The following NTAQ1 variants were observed in gnomAD, a reference collection of about 807,000 sequenced individuals.
The protein encoded by NTAQ1 is protein N-terminal glutamine amidohydrolase.
Under a neutral mutation model 28.2 loss-of-function variants are expected in NTAQ1, and 21 were observed. That is an observed-to-expected ratio of 0.74 (90% confidence interval 0.53 to 1.07). The LOEUF is 1.07. NTAQ1 is among the 50% of genes least tolerant of loss of function. The probability of loss-of-function intolerance (pLI) is 0.00; values close to 1 mark genes in which losing one functional copy is unlikely to be tolerated. For missense variants in NTAQ1, 264 were observed against 256.6 expected, an observed-to-expected ratio of 1.03 and a Z score of -0.20; for synonymous variants, 105 against 90.0, an observed-to-expected ratio of 1.17 and a Z score of -0.94.
chr8:123,427,900 GATT>G, intron 1 of NTAQ1, 21 bp from the exon 2 acceptor site: 1 of 1,541,180 alleles, frequency 6.5e-7, no homozygotes, highest in Non-Finnish European at 8.9e-7. Flanking sequence ...CTCTAATCTT[GATT>G]AAACAATTAT....
At chr8:123,441,070 C>T (rs1815038166) in intron 5 of NTAQ1, among the ~76,000 whole-genome samples, 1 of 152,154 alleles carries the variant, frequency 6.6e-6, no homozygotes, top group Non-Finnish European at 1.5e-5. Flanking sequence ...CTTTGGAGCT[C>T]TGACTCTCTG....
Position 123,437,122 on chromosome 8 carries a change from GT to G in NTAQ1, c.384-87del, listed in dbSNP as rs569232424. The G allele has an allele frequency of 1.2e-3, 1,874 of 1,538,968 alleles. 1 individual carries two copies. The highest frequency in any genetic ancestry group is 1.4e-3 in the Non-Finnish European group (1,605 of 1,131,992). Reference sequence around the variant, plus strand: ...GAAATGCATGAGTAGTTTTGTGCATGTCATAGGAAATGAGTCGATATAAAAA... The same window carrying G: ...GAAATGCATGAGTAGTTTTGTGCATGCATAGGAAATGAGTCGATATAAAAA... On this transcript the variant is annotated intron_variant, in intron 4 of 5. Coordinates refer to ENST00000287387, the MANE Select transcript of NTAQ1 (RefSeq NM_018024.3).
At chr8:123,438,162 A>G in intron 5 of NTAQ1, 1 of 702,260 alleles carries the variant, frequency 1.4e-6, no homozygotes, top group Non-Finnish European at 2.6e-6. Flanking sequence ...ATTTCCTGAC[A>G]TTTAAGAAGA....
At chr8:123,450,532 C>T (rs919893821), downstream of NTAQ1, among the ~76,000 whole-genome samples, 1 of 136,064 alleles carries the variant, frequency 7.3e-6, no homozygotes, top group East Asian at 2.3e-4. Flanking sequence ...ATTTCTGCCC[C>T]TCCAAGGAGA....
chr8:123,416,993 G>C (rs1813337861), intron 1 of NTAQ1, 61 bp downstream of exon 1: 1 of 1,372,586 alleles, frequency 7.3e-7, no homozygotes, highest in East Asian at 3.1e-5. Flanking sequence ...AGTCGCAACC[G>C]GGCCCCGCCT....
Position 123,441,327 on chromosome 8 carries a change from A to G in NTAQ1, c.530A>G (p.Asp177Gly), listed in dbSNP as rs757046037. 3 of 1,610,064 alleles carry G rather than the reference A, an allele frequency of 1.9e-6. No individual in the cohort carries two copies. The highest frequency in any genetic ancestry group is 2.2e-5 in the East Asian group (1 of 44,742). ...TTAGATTCCAAAATGAACCTGAACG[A>G]TTTCATCAGTATGGATCCCAAGGTA... ...ETGDSKMNLNDFISMDPKVGW... is the reference protein window; with the variant it reads ...ETGDSKMNLNGFISMDPKVGW... The change falls in exon 6 of 6, where the codon GAT becomes GGT. Residue 177 changes from aspartate to glycine, a missense_variant. Asp to Gly is a moderately conservative substitution (Grantham distance 94). Transcript: ENST00000287387.
chr8:123,417,014 C>A (rs796286792), intron 1 of NTAQ1, 82 bp downstream of exon 1: 1 of 1,327,106 alleles, frequency 7.5e-7, no homozygotes, highest in Non-Finnish European at 9.8e-7. Context: ...CTTCCCGGCC[C>A]CTCCTCGGGG....
intron 2 of NTAQ1, 64 bp from the exon 3 acceptor site, chr8:123,429,919 A>AT: frequency 3.6e-6 from 4 of 1,118,920 alleles, no homozygotes; most frequent in Non-Finnish European, 5.2e-6. Context: ...AAAAAAAAAA[A>AT]GGAAAATAAT....
chr8:123,442,850 TA>T (rs1489187667), downstream of NTAQ1, among the ~76,000 whole-genome samples: 1 of 144,828 alleles, frequency 6.9e-6, no homozygotes. Flanking sequence ...TGTATTTTAG[TA>T]GAGACGTGGT....
At chr8:123,464,729 T>C (rs1815921237) in intron 6 of NTAQ1, among the ~76,000 whole-genome samples, 1 of 152,206 alleles carries the variant, frequency 6.6e-6, no homozygotes, top group Non-Finnish European at 1.5e-5. Context: ...GGGCAAGAGA[T>C]GAGAGAGTGT....
chr8:123,443,314 C>G (rs1217032101), downstream of NTAQ1, among the ~76,000 whole-genome samples: 2 of 152,208 alleles, frequency 1.3e-5, no homozygotes, highest in African/African-American at 2.4e-5. Context: ...GCCACCGCAC[C>G]CGGCCAAATT....
chr8:123,420,110 T>A (rs573398556), intron 1 of NTAQ1, among the ~76,000 whole-genome samples: 1 of 152,122 alleles, frequency 6.6e-6, no homozygotes, highest in Non-Finnish European at 1.5e-5. Context: ...GTTTCCTTTT[T>A]TGTGTCCATG....
chr8:123,441,514 A>C lies in NTAQ1; in HGVS notation c.*99A>C, dbSNP rs1176774722. 1.2e-5 allele frequency: 11 copies of C among 891,172 alleles called. No individual in the cohort carries two copies. The highest frequency in any genetic ancestry group is 2.0e-5 in the Non-Finnish European group (11 of 563,698). 55.2% of individuals were successfully genotyped at this position (891,172 alleles called of 1,614,324 possible). On this transcript the variant is annotated 3_prime_UTR_variant, in exon 6 of 6. Transcript: ENST00000287387. Reference sequence around the variant, plus strand: ...AACATTATGGTACAGTTGGCTTGGAATTATGTCTTTCTCTTTTAATTTGAT... The same window carrying C: ...AACATTATGGTACAGTTGGCTTGGACTTATGTCTTTCTCTTTTAATTTGAT...
At chr8:123,436,312 G>C in intron 3 of NTAQ1, 141 bp from the exon 4 acceptor site, 1 of 637,712 alleles carries the variant, frequency 1.6e-6, no homozygotes, top group Non-Finnish European at 2.5e-6. Context: ...TCAGGGTGTT[G>C]TGTTTGCTTT....
At chr8:123,473,914 T>A (rs534435184), downstream of NTAQ1, among the ~76,000 whole-genome samples, 595 of 152,250 alleles carry the variant, frequency 3.9e-3, 5 homozygotes, top group African/African-American at 0.013. Context: ...GTTTTTTTTT[T>A]AAATTGCATT....
chr8:123,418,459 A>AT (rs1359377460), intron 1 of NTAQ1, among the ~76,000 whole-genome samples: 162 of 145,878 alleles, frequency 1.1e-3, no homozygotes, highest in Admixed American at 1.6e-3. Context: ...AAAAAAAAAA[A>AT]AAAATAAAAA....
downstream of NTAQ1, among the ~76,000 whole-genome samples, chr8:123,473,297 T>G (rs1563910967): frequency 7.0e-6 from 1 of 142,986 alleles, no homozygotes; most frequent in African/African-American, 2.6e-5. Context: ...TTCTTGAAAT[T>G]CTTTTTTTTT....
At chr8:123,446,769 A>G (rs532080590), downstream of NTAQ1, among the ~76,000 whole-genome samples, 8 of 152,224 alleles carry the variant, frequency 5.3e-5, no homozygotes, top group South Asian at 1.7e-3. Context: ...TCCGCAACAG[A>G]CTCTGCTCCA....
chr8:123,470,843 T>A (rs766159445), downstream of NTAQ1, among the ~76,000 whole-genome samples: 1 of 152,146 alleles, frequency 6.6e-6, no homozygotes, highest in Non-Finnish European at 1.5e-5. Context: ...TCTTGGCTTG[T>A]AGATGCTTCA....
Sources: gnomAD v4.1 joint callset for allele counts (sites outside exome capture counted in the v4.1 genomes callset) on GRCh38, gnomAD v4.1.1 for gene constraint, MANE v1.5 for transcripts, NCBI Gene and HGNC (gene_info 2026-07-23, HGNC 2026-07-21) for gene names.